IQSEC1: variants seen among roughly 807,000 people sequenced by gnomAD.
The protein encoded by IQSEC1 is IQ motif and SEC7 domain-containing protein 1.
Under a neutral mutation model 91.0 loss-of-function variants are expected in IQSEC1, and 31 were observed. The ratio of observed to expected loss-of-function variants is 0.34; its 90% confidence interval spans 0.26 to 0.46. The LOEUF is 0.46. IQSEC1 is among the 20% of genes least tolerant of loss of function. The probability of loss-of-function intolerance (pLI) is 1.00; values close to 1 mark genes in which losing one functional copy is unlikely to be tolerated. For synonymous variants in IQSEC1, 699 were observed against 662.6 expected, an observed-to-expected ratio of 1.05 and a Z score of -0.84; for missense variants, 1,388 against 1,575.6, an observed-to-expected ratio of 0.88 and a Z score of 2.02.
intron 1 of IQSEC1, among the ~76,000 whole-genome samples, chr3:13,267,019 G>A (rs1438843810): frequency 6.6e-6 from 1 of 151,496 alleles, no homozygotes; most frequent in Admixed American, 6.6e-5. Context: ...TGGTCTGAAT[G>A]TCTGTGTTCT....
intron 1 of IQSEC1, among the ~76,000 whole-genome samples, chr3:13,219,138 A>C (rs1694605062): frequency 6.6e-6 from 1 of 152,056 alleles, no homozygotes; most frequent in African/African-American, 2.4e-5. Flanking sequence ...ATAACGTCAC[A>C]CCATGTCACC....
At chr3:13,077,549 A>G (rs916031904), upstream of IQSEC1, among the ~76,000 whole-genome samples, 2 of 152,116 alleles carry the variant, frequency 1.3e-5, no homozygotes, top group Non-Finnish European at 2.9e-5. Context: ...TAAACCACAG[A>G]CTCTTCCATG....
rs1174862317 is a variant in IQSEC1, at chr3:13,245,250, G to A, written c.272+37461C>T. Among the ~76,000 whole-genome samples, 7 of 152,148 alleles carry A rather than the reference G, an allele frequency of 4.6e-5. No individual in the cohort carries two copies. The East Asian group carries it at 7.7e-4, about 17-fold the overall frequency. ...GTGAGAAGACTTGGCTCTCCTCCAC[G>A]TGGTGTCTCATCCTCCAGCAACCAC... On this transcript the variant is annotated intron_variant, in intron 1 of 15. Coordinates refer to the IQSEC1 transcript ENST00000648114.
intron 1 of IQSEC1, among the ~76,000 whole-genome samples, chr3:13,165,152 C>T (rs1320559425): frequency 1.3e-5 from 2 of 152,182 alleles, no homozygotes; most frequent in Non-Finnish European, 2.9e-5. Context: ...AGGTAGTCCC[C>T]AGCAATGTGT....
At chr3:13,219,916 A>C (rs1258722100) in intron 1 of IQSEC1, among the ~76,000 whole-genome samples, 1 of 152,202 alleles carries the variant, frequency 6.6e-6, no homozygotes, top group Non-Finnish European at 1.5e-5. Flanking sequence ...TGGGACTTGA[A>C]TGCATTTATT....
intron 1 of IQSEC1, among the ~76,000 whole-genome samples, chr3:13,017,401 C>T (rs1011679191): frequency 1.8e-4 from 28 of 152,210 alleles, no homozygotes; most frequent in African/African-American, 4.6e-4. Context: ...TGCTGATCAG[C>T]GGAAGAAAGC....
At chr3:13,209,738 CGA>C (rs913460469) in intron 1 of IQSEC1, among the ~76,000 whole-genome samples, 4 of 152,362 alleles carry the variant, frequency 2.6e-5, no homozygotes, top group African/African-American at 9.6e-5. Context: ...TCCTTCCTCC[CGA>C]GAGCCTGAGC....
rs115448421 is a variant in IQSEC1, at chr3:13,064,235, C to T, written c.23+8757G>A. Among the ~76,000 whole-genome samples the T allele has an allele frequency of 4.0e-3, 612 of 152,254 alleles. 4 individuals are homozygous for T. The highest frequency in any genetic ancestry group is 0.014 in the African/African-American group (583 of 41,540). ...CACATACAGGCACATACAAGTGCCA[C>T]CACAGTCAAAATACACAATAGCTCC... On this transcript the variant is annotated intron_variant, in intron 1 of 13. Transcript: ENST00000613206.
intron 1 of IQSEC1, among the ~76,000 whole-genome samples, chr3:13,208,275 G>T (rs1465012506): frequency 6.6e-6 from 1 of 151,596 alleles, no homozygotes; most frequent in Non-Finnish European, 1.5e-5. Flanking sequence ...CACAGCCTTT[G>T]GTGCCTCCCA....
chr3:13,142,918 A>G (rs1706825185), intron 2 of IQSEC1, among the ~76,000 whole-genome samples: 1 of 152,196 alleles, frequency 6.6e-6, no homozygotes, highest in Non-Finnish European at 1.5e-5. Context: ...GATGTGCACC[A>G]GCTGCCCCTG....
At chr3:13,180,682 A>G (rs1439989617) in intron 1 of IQSEC1, among the ~76,000 whole-genome samples, 1 of 150,992 alleles carries the variant, frequency 6.6e-6, no homozygotes, top group Non-Finnish European at 1.5e-5. Flanking sequence ...CTCACTGCGA[A>G]GGTCTGCAGC....
intron 2 of IQSEC1, among the ~76,000 whole-genome samples, chr3:13,143,953 G>A (rs1404801750): frequency 6.6e-6 from 1 of 152,152 alleles, no homozygotes; most frequent in Non-Finnish European, 1.5e-5. Flanking sequence ...CCGGTAGAGG[G>A]TTCCTACCAT....
intron 2 of IQSEC1, among the ~76,000 whole-genome samples, chr3:13,080,750 G>C (rs1705635479): frequency 6.6e-6 from 1 of 152,152 alleles, no homozygotes; most frequent in Non-Finnish European, 1.5e-5. Flanking sequence ...CTGGGAACTG[G>C]GCTGTGCTCC....
chr3:12,956,766 C>A (rs142508392), intron 1 of IQSEC1, among the ~76,000 whole-genome samples: 1 of 152,280 alleles, frequency 6.6e-6, no homozygotes, highest in Non-Finnish European at 1.5e-5. Flanking sequence ...GGGAGCTCTA[C>A]GTGCAATCGG....
At chr3:13,071,160 TTTTTTTG>T (rs1576235070) in intron 1 of IQSEC1, among the ~76,000 whole-genome samples, 2 of 119,912 alleles carry the variant, frequency 1.7e-5, no homozygotes, top group East Asian at 3.2e-4. Flanking sequence ...TTTGTTTTTT[TTTTTTTG>T]TTTGTTTCTT....
intron 3 of IQSEC1, among the ~76,000 whole-genome samples, chr3:12,927,340 G>A (rs1360015085): frequency 1.3e-5 from 2 of 151,900 alleles, no homozygotes; most frequent in East Asian, 3.9e-4. Context: ...CTCCACGGCA[G>A]TGAGTGGGGG....
In IQSEC1 at chr3:12,902,936, G is replaced by A. The variant is rs1694529003; in HGVS notation, c.2756-114C>T. On this transcript the variant is annotated intron_variant, in intron 12 of 13. Transcript: ENST00000613206. ...TGCACCCCTGCTGGGAGCAGGCACAGGTGCCGGGCCCACCTGCCCGCAGGA... is the reference window on the plus strand; with the variant it reads ...TGCACCCCTGCTGGGAGCAGGCACAAGTGCCGGGCCCACCTGCCCGCAGGA... The A allele has an allele frequency of 4.9e-6, 4 of 812,010 alleles. No homozygotes were observed. The East Asian group carries it at 1.1e-4, about 21-fold the overall frequency. 50.3% of individuals were successfully genotyped at this position (812,010 alleles called of 1,614,324 possible). A position where few individuals can be genotyped will look rare whatever the true frequency, so the allele number is the denominator to read the frequency against.
intron 1 of IQSEC1, among the ~76,000 whole-genome samples, chr3:12,993,978 C>G (rs899271400): frequency 6.6e-6 from 1 of 151,490 alleles, no homozygotes; most frequent in Non-Finnish European, 1.5e-5. Context: ...GCCGCCCAGG[C>G]CGCCCCGCGG....
chr3:13,022,355 C>T, intron 1 of IQSEC1: 4 of 1,175,226 alleles, frequency 3.4e-6, no homozygotes, highest in Non-Finnish European at 4.2e-6. Flanking sequence ...TGTCTAGCTG[C>T]TCCAGACCCT....
Sources: allele counts gnomAD v4.1 joint callset (sites outside exome capture counted in the v4.1 genomes callset), GRCh38; gene constraint gnomAD v4.1.1; transcripts MANE v1.5; gene names NCBI Gene and HGNC (gene_info 2026-07-23, HGNC 2026-07-21).